DIAPH2: variants seen among roughly 807,000 people sequenced by gnomAD.
DIAPH2 encodes the protein protein diaphanous homolog 2.
A neutral mutation model predicts 92.7 loss-of-function variants in DIAPH2; 35 were observed. That is an observed-to-expected ratio of 0.38 (90% CI 0.29 to 0.50). DIAPH2 has a LOEUF of 0.50. DIAPH2 is among the 20% of genes least tolerant of loss of function. The probability of loss-of-function intolerance (pLI) is 0.94; values close to 1 mark genes in which losing one functional copy is unlikely to be tolerated. For synonymous variants in DIAPH2, 301 were observed against 280.4 expected (o/e 1.07, Z -0.73); for missense variants, 701 against 819.5 (o/e 0.86, Z 1.77).
At chrX:97,218,935 G>A (rs1427158863) in intron 22 of DIAPH2, among the ~76,000 whole-genome samples, 3 of 111,986 alleles carry the variant, frequency 2.7e-5, no homozygotes, top group African/African-American at 9.7e-5. Flanking sequence ...CATGGATACA[G>A]AGGCCTGAAT....
chrX:97,025,088 C>T (rs1191132878), intron 17 of DIAPH2, among the ~76,000 whole-genome samples: 3 of 112,031 alleles, frequency 2.7e-5, no homozygotes, highest in Non-Finnish European at 3.8e-5. Context: ...CGGTGGCTCA[C>T]GCCTGTAATC....
intron 22 of DIAPH2, 77 bp downstream of exon 22, chrX:97,141,871 A>C: frequency 9.7e-7 from 1 of 1,035,408 alleles, no homozygotes; most frequent in Non-Finnish European, 1.3e-6. Flanking sequence ...ATCTGTAAAC[A>C]TTATTCATAA....
intron 23 of DIAPH2, among the ~76,000 whole-genome samples, chrX:97,340,090 T>A (rs1248154262): frequency 9.0e-6 from 1 of 111,619 alleles, no homozygotes; most frequent in African/African-American, 3.3e-5. Flanking sequence ...GAGTGTCCTG[T>A]TCTTTGAAGC....
intron 22 of DIAPH2, among the ~76,000 whole-genome samples, chrX:97,193,007 C>CT (rs199627613): frequency 0.058 from 5,662 of 97,433 alleles, 679 homozygotes; most frequent in African/African-American, 0.22. Flanking sequence ...TTTTCTTTTT[C>CT]TTTTCTTTTT....
At chrX:96,828,932 T>A (rs1183967786) in intron 4 of DIAPH2, among the ~76,000 whole-genome samples, 1 of 111,565 alleles carries the variant, frequency 9.0e-6, no homozygotes, top group East Asian at 2.8e-4. Context: ...AAAATGCCAC[T>A]GACAGAAGAA....
In DIAPH2 at chrX:97,054,613, C is replaced by T. The variant is rs181995260; in HGVS notation, c.2051-18328C>T. ...TAAAAAACATTCAACAAAGGTATTC[C>T]GCAAAGGTATACAGCCTTGGGATGT... On this transcript the variant is annotated intron_variant, in intron 17 of 26. Coordinates refer to ENST00000324765, the MANE Select transcript of DIAPH2 (RefSeq NM_006729.5). Among the ~76,000 whole-genome samples, 42 of 111,409 alleles carry T rather than the reference C, an allele frequency of 3.8e-4. 1 individual carries two copies. In the East Asian group the frequency reaches 9.4e-3, roughly 25 times the overall value.
chrX:96,742,412 G>A (rs191922180), intron 3 of DIAPH2, among the ~76,000 whole-genome samples: 2 of 111,506 alleles, frequency 1.8e-5, no homozygotes, highest in East Asian at 2.8e-4. Flanking sequence ...AGCACAGAAA[G>A]ATTATTCATT....
At chrX:97,084,580 G>C (rs2066770477) in intron 19 of DIAPH2, among the ~76,000 whole-genome samples, 1 of 111,579 alleles carries the variant, frequency 9.0e-6, no homozygotes, top group African/African-American at 3.3e-5. Context: ...GTATCCAGGA[G>C]TAGTGTACTA....
At chrX:97,171,206 C>G (rs2067451032) in intron 22 of DIAPH2, among the ~76,000 whole-genome samples, 1 of 112,074 alleles carries the variant, frequency 8.9e-6, no homozygotes, top group African/African-American at 3.2e-5. Context: ...AAGAATGTAC[C>G]ATGTTTGTCT....
At chrX:96,785,487 T>TC (rs2064448531) in intron 4 of DIAPH2, among the ~76,000 whole-genome samples, 1 of 95,729 alleles carries the variant, frequency 1.0e-5, no homozygotes, top group African/African-American at 3.8e-5. Context: ...TTTTTTTTTT[T>TC]TTTTTTTTTT....
At chrX:96,861,455 C>G (rs1197094637) in intron 4 of DIAPH2, among the ~76,000 whole-genome samples, 1 of 111,642 alleles carries the variant, frequency 9.0e-6, no homozygotes, top group African/African-American at 3.3e-5. Flanking sequence ...ATTCTAACTG[C>G]TAAAATATTT....
intron 5 of DIAPH2, chrX:96,884,132 G>T: frequency 2.3e-6 from 1 of 434,580 alleles, no homozygotes; most frequent in Non-Finnish European, 4.0e-6. Flanking sequence ...TAGTTGATTG[G>T]TCCACAGGTA....
intron 23 of DIAPH2, among the ~76,000 whole-genome samples, chrX:97,275,327 C>G (rs867938914): frequency 3.3e-3 from 6 of 1,812 alleles, no homozygotes; most frequent in African/African-American, 6.9e-3. Context: ...GGCTGTCCCC[C>G]CGCCCACCTC....
At chrX:97,371,254 C>T in intron 24 of DIAPH2, among the ~76,000 whole-genome samples, 1 of 111,287 alleles carries the variant, frequency 9.0e-6, no homozygotes. Flanking sequence ...ATTTAAAGTC[C>T]CAACAGTTTT....
intron 23 of DIAPH2, among the ~76,000 whole-genome samples, chrX:97,270,622 A>G (rs896442112): frequency 8.9e-6 from 1 of 111,807 alleles, no homozygotes; most frequent in African/African-American, 3.2e-5. Context: ...TTCAGTACCT[A>G]TAGAAACGAC....
At chrX:97,502,163 T>G (rs1408092270) in intron 26 of DIAPH2, among the ~76,000 whole-genome samples, 1 of 112,143 alleles carries the variant, frequency 8.9e-6, no homozygotes, top group Admixed American at 9.5e-5. Flanking sequence ...TTGAAATGAA[T>G]GAATTCATGA....
chrX:96,789,800 A>G (rs142638988), intron 4 of DIAPH2, among the ~76,000 whole-genome samples: 23 of 110,892 alleles, frequency 2.1e-4, no homozygotes, highest in African/African-American at 7.5e-4. Context: ...CAGGGCTTAA[A>G]CTCCACGTCT....
At chrX:97,446,895 C>T (rs904134686) in intron 26 of DIAPH2, among the ~76,000 whole-genome samples, 19 of 107,061 alleles carry the variant, frequency 1.8e-4, no homozygotes, top group Non-Finnish European at 3.3e-4. Flanking sequence ...AGCTCAATTT[C>T]GAAGTATGGC....
At chrX:96,867,353 G>T (rs1390821026) in intron 4 of DIAPH2, among the ~76,000 whole-genome samples, 2 of 110,785 alleles carry the variant, frequency 1.8e-5, no homozygotes, top group African/African-American at 6.6e-5. Flanking sequence ...CAAGTAGCTG[G>T]GTTTACAGGC....
Sources: allele counts gnomAD v4.1 joint callset (sites outside exome capture counted in the v4.1 genomes callset), GRCh38; gene constraint gnomAD v4.1.1; transcripts MANE v1.5; gene names NCBI Gene and HGNC (gene_info 2026-07-23, HGNC 2026-07-21).